The following GRM8 variants were observed in gnomAD, a reference collection of about 807,000 sequenced individuals.
The protein encoded by GRM8 is metabotropic glutamate receptor 8.
Under a neutral mutation model 87.2 loss-of-function variants are expected in GRM8, and 47 were observed. That is an observed-to-expected ratio of 0.54 (90% CI 0.43 to 0.69). The LOEUF is 0.69. Ranked by LOEUF, GRM8 falls within the 30% of genes least tolerant of loss-of-function variation. The probability of loss-of-function intolerance (pLI) is 0.00; values close to 1 mark genes in which losing one functional copy is unlikely to be tolerated. For synonymous variants in GRM8, 396 were observed against 404.5 expected (o/e 0.98, Z 0.25); for missense variants, 1,019 against 1,139.2 (o/e 0.89, Z 1.52).
At chr7:126,715,636 T>A (rs940229688) in intron 7 of GRM8, among the ~76,000 whole-genome samples, 1 of 152,198 alleles carries the variant, frequency 6.6e-6, no homozygotes, top group Non-Finnish European at 1.5e-5. Context: ...TCCAAAAAAA[T>A]TTCCAATACA....
chr7:127,156,334 GAGA>G (rs1322550547), intron 2 of GRM8, among the ~76,000 whole-genome samples: 1 of 152,140 alleles, frequency 6.6e-6, no homozygotes, highest in African/African-American at 2.4e-5. Flanking sequence ...GCTGCATTGG[GAGA>G]AGATTAGCCT....
intron 2 of GRM8, among the ~76,000 whole-genome samples, chr7:127,110,268 G>A (rs11563719): frequency 0.16 from 24,287 of 152,032 alleles, 2,232 homozygotes; most frequent in Non-Finnish European, 0.21. Context: ...GAAGCCTGAT[G>A]AACACTCCCC....
intron 6 of GRM8, among the ~76,000 whole-genome samples, chr7:126,859,388 C>A (rs1345462804): frequency 1.3e-5 from 2 of 152,158 alleles, no homozygotes; most frequent in Non-Finnish European, 2.9e-5. Flanking sequence ...TATGATGGAC[C>A]AAGATCAGAT....
chr7:126,901,667 G>A (rs550508280), intron 6 of GRM8, among the ~76,000 whole-genome samples: 111 of 152,284 alleles, frequency 7.3e-4, no homozygotes, highest in Non-Finnish European at 1.2e-3. Flanking sequence ...ACATATCAAA[G>A]TCTGGGGGTG....
chr7:126,796,617 TAAAC>T (rs2080764415), intron 6 of GRM8, among the ~76,000 whole-genome samples: 3 of 152,082 alleles, frequency 2.0e-5, no homozygotes, highest in Admixed American at 1.3e-4. Context: ...AAATTAAAAA[TAAAC>T]TAAGCACAAG....
At chr7:126,464,020 G>T (rs1220995131) in intron 9 of GRM8, among the ~76,000 whole-genome samples, 2 of 151,616 alleles carry the variant, frequency 1.3e-5, no homozygotes, top group African/African-American at 4.8e-5. Context: ...GATTAAAGAA[G>T]CTGAATTGCT....
At chr7:127,085,096 G>A (rs1458371039) in intron 3 of GRM8, among the ~76,000 whole-genome samples, 1 of 152,198 alleles carries the variant, frequency 6.6e-6, no homozygotes, top group Non-Finnish European at 1.5e-5. Flanking sequence ...AGTTTGCTTA[G>A]AGTGATGGTT....
intron 3 of GRM8, among the ~76,000 whole-genome samples, chr7:127,023,153 C>G (rs576666107): frequency 1.3e-5 from 2 of 152,110 alleles, no homozygotes; most frequent in Admixed American, 1.3e-4. Context: ...TTCTTCATAA[C>G]GGGTTTTCTC....
At chr7:126,912,266 T>C (rs1361698642) in intron 3 of GRM8, among the ~76,000 whole-genome samples, 3 of 152,130 alleles carry the variant, frequency 2.0e-5, no homozygotes, top group Non-Finnish European at 4.4e-5. Context: ...ATTAGTGGAC[T>C]GAATAAAGCA....
intron 7 of GRM8, among the ~76,000 whole-genome samples, chr7:126,664,622 T>G (rs905749002): frequency 2.6e-5 from 4 of 152,026 alleles, no homozygotes; most frequent in Non-Finnish European, 5.9e-5. Flanking sequence ...AACAAATAAT[T>G]GAAGATAGAT....
chr7:126,905,299 C>T (rs1443232502), intron 3 of GRM8, among the ~76,000 whole-genome samples: 1 of 152,126 alleles, frequency 6.6e-6, no homozygotes, highest in East Asian at 1.9e-4. Context: ...GCAGAAATAC[C>T]ATCTCATTTT....
intron 8 of GRM8, among the ~76,000 whole-genome samples, chr7:126,582,142 A>G (rs961456043): frequency 7.2e-5 from 11 of 152,188 alleles, no homozygotes; most frequent in African/African-American, 2.7e-4. Flanking sequence ...ATAGTTAACC[A>G]AGTTGTAAAT....
At position 127,012,257 on chromosome 7, in the gene GRM8, G is replaced by A. The variant is rs147065597; in HGVS notation, c.727+94239C>T. Among the ~76,000 whole-genome samples, 1,004 of 152,166 alleles carry A rather than the reference G, an allele frequency of 6.6e-3. 8 individuals carry two copies. Among genetic ancestry groups the A allele is most frequent in the African/African-American group, 0.022 (920 of 41,528 alleles). ...GCCTAGGTTTCCTTCTGACAAGATCGATTTCTACTTGGTTCTATAGTTCTA... is the reference window on the plus strand; with the variant it reads ...GCCTAGGTTTCCTTCTGACAAGATCAATTTCTACTTGGTTCTATAGTTCTA... On this transcript the variant is annotated intron_variant, in intron 3 of 10. Transcript: ENST00000339582.
intron 7 of GRM8, among the ~76,000 whole-genome samples, chr7:126,689,557 T>C (rs1808579703): frequency 6.6e-6 from 1 of 152,076 alleles, no homozygotes; most frequent in African/African-American, 2.4e-5. Context: ...ATTCACTAGA[T>C]AACTGAAGAC....
Position 126,881,521 on chromosome 7 carries a change from G to A in GRM8, c.1156+21021C>T, listed in dbSNP as rs187436130. Among the ~76,000 whole-genome samples, 31 of 152,306 alleles carry A rather than the reference G, an allele frequency of 2.0e-4. No individual in the cohort carries two copies. The East Asian group carries it at 5.8e-3, about 28-fold the overall frequency. On this transcript the variant is annotated intron_variant, in intron 6 of 10. Coordinates refer to ENST00000339582, the MANE Select transcript of GRM8 (RefSeq NM_000845.3). ...ACAGAGAGCAGAGAGTCCCAGTCAT[G>A]CAAATGACAAGGGTCAGCTTCGCAG...
At chr7:126,556,150 C>T (rs1201393880) in intron 8 of GRM8, among the ~76,000 whole-genome samples, 1 of 151,994 alleles carries the variant, frequency 6.6e-6, no homozygotes, top group African/African-American at 2.4e-5. Flanking sequence ...TACTTCGTAT[C>T]CATGAAATGA....
At chr7:126,997,456 T>C (rs766959172) in intron 3 of GRM8, among the ~76,000 whole-genome samples, 36 of 148,304 alleles carry the variant, frequency 2.4e-4, no homozygotes, top group Non-Finnish European at 4.6e-4. Context: ...ATAAATGAAA[T>C]TGAAATGAAG....
chr7:127,061,675 C>T (rs954005763), intron 3 of GRM8, among the ~76,000 whole-genome samples: 3 of 152,094 alleles, frequency 2.0e-5, no homozygotes, highest in African/African-American at 7.2e-5. Flanking sequence ...CTTCCTCTAC[C>T]ATCTGGGGTG....
intron 2 of GRM8, among the ~76,000 whole-genome samples, chr7:127,238,323 T>TGC (rs1240625210): frequency 6.6e-6 from 1 of 152,064 alleles, no homozygotes; most frequent in Non-Finnish European, 1.5e-5. Flanking sequence ...TGTGTGTGTG[T>TGC]GTGTGTGTGT....
Sources: gnomAD v4.1 joint callset for allele counts (sites outside exome capture counted in the v4.1 genomes callset) on GRCh38, gnomAD v4.1.1 for gene constraint, MANE v1.5 for transcripts, NCBI Gene and HGNC (gene_info 2026-07-23, HGNC 2026-07-21) for gene names.